Variants in NUP43 observed in about 807,000 individuals in gnomAD.
The protein encoded by NUP43 is nucleoporin 43.
NUP43 carries 32 observed loss-of-function variants against 47.3 expected under a neutral mutation model. That is an observed-to-expected ratio of 0.68 (90% CI 0.51 to 0.91). The LOEUF is 0.91. Among genes scored for constraint, NUP43 ranks in the 40% least tolerant of loss-of-function variants. The probability of loss-of-function intolerance (pLI) is 0.00; values close to 1 mark genes in which losing one functional copy is unlikely to be tolerated. For missense variants in NUP43, 444 were observed against 453.9 expected, an observed-to-expected ratio of 0.98 and a Z score of 0.20; for synonymous variants, 147 against 158.4, an observed-to-expected ratio of 0.93 and a Z score of 0.54.
At chr6:149,743,520 A>T (rs1223066800) in intron 3 of NUP43, 118 bp downstream of exon 3, 1 of 601,564 alleles carries the variant, frequency 1.7e-6, no homozygotes, top group East Asian at 3.0e-5. Context: ...ACTTGAACTC[A>T]GAAGGTGGAG....
chr6:149,744,431 G>A (rs1785851362), intron 2 of NUP43, among the ~76,000 whole-genome samples: 1 of 150,680 alleles, frequency 6.6e-6, no homozygotes, highest in Admixed American at 6.6e-5. Context: ...GGCTGAGGCA[G>A]AAGAATCACT....
intron 2 of NUP43, among the ~76,000 whole-genome samples, chr6:149,745,100 G>C (rs1370231118): frequency 6.6e-6 from 1 of 150,700 alleles, no homozygotes; most frequent in South Asian, 2.1e-4. Flanking sequence ...TCCACACCAG[G>C]ATTTGAAAAC....
intron 2 of NUP43, among the ~76,000 whole-genome samples, chr6:149,744,962 C>T (rs1434062632): frequency 6.7e-6 from 1 of 150,044 alleles, no homozygotes; most frequent in East Asian, 2.0e-4. Flanking sequence ...CCCAAGCTGG[C>T]GCACTCTCGG....
intron 4 of NUP43, among the ~76,000 whole-genome samples, chr6:149,741,556 C>T (rs935081184): frequency 2.0e-5 from 3 of 151,724 alleles, no homozygotes; most frequent in Non-Finnish European, 4.4e-5. Flanking sequence ...ACAAGGCTAG[C>T]GTGCAGTGGT....
chr6:149,735,717 A>G (rs1209590750), intron 6 of NUP43, among the ~76,000 whole-genome samples: 1 of 151,340 alleles, frequency 6.6e-6, no homozygotes, highest in African/African-American at 2.4e-5. Flanking sequence ...CATACCTGTA[A>G]TCTCAGCACT....
upstream of NUP43, among the ~76,000 whole-genome samples, chr6:149,748,043 C>T (rs1291690512): frequency 1.3e-5 from 2 of 152,204 alleles, no homozygotes; most frequent in South Asian, 2.1e-4. Context: ...TGGCCAGGCA[C>T]GGTGGCTCAC....
Position 149,731,697 on chromosome 6 carries a change from G to C in NUP43, c.829C>G (p.Leu277Val). 2 of 1,613,632 alleles carry C rather than the reference G, an allele frequency of 1.2e-6. No individual in the cohort carries two copies. Among genetic ancestry groups the C allele is most frequent in the Non-Finnish European group, 1.7e-6 (2 of 1,179,672 alleles). The change falls in exon 7 of 8, where the codon CTT becomes GTT. Residue 277 changes from leucine to valine, a missense_variant. Transcript: ENST00000340413. Reference sequence around the variant, plus strand: ...GATCCATCTTCAGAGCAGGTAAAAAGATGTTCTGGGTTGGATGGGTGAAAG... The same window carrying C: ...GATCCATCTTCAGAGCAGGTAAAAACATGTTCTGGGTTGGATGGGTGAAAG... ...VHFHPSNPEH[L>V]FTCSEDGSLW...
At chr6:149,730,229 G>C (rs950613288) in intron 7 of NUP43, among the ~76,000 whole-genome samples, 1 of 151,620 alleles carries the variant, frequency 6.6e-6, no homozygotes, top group Non-Finnish European at 1.5e-5. Context: ...GGCTGGTCTC[G>C]AACTCCCAAA....
At chr6:149,747,433 G>A (rs1395650663), upstream of NUP43, among the ~76,000 whole-genome samples, 5 of 149,740 alleles carry the variant, frequency 3.3e-5, no homozygotes, top group African/African-American at 7.4e-5. Flanking sequence ...ACAGGTGTGC[G>A]CCACCATGCC....
Position 149,746,507 on chromosome 6 carries a change from C to A in NUP43, c.-12G>T. On this transcript the variant is annotated 5_prime_UTR_variant, in exon 1 of 8. Coordinates refer to ENST00000340413, the MANE Select transcript of NUP43 (RefSeq NM_198887.3). ...TAAATTTCCTCCATGCCGAAAGCGG[C>A]CGCAGCAGGTACTGCAAAAAGCAAG... The A allele has an allele frequency of 2.5e-6, 4 of 1,614,162 alleles. No homozygotes were observed. The highest frequency in any genetic ancestry group is 1.1e-5 in the South Asian group (1 of 91,090).
chr6:149,738,619 C>T, intron 5 of NUP43, 24 bp downstream of exon 5: 3 of 1,517,950 alleles, frequency 2.0e-6, no homozygotes, highest in South Asian at 1.4e-5. Context: ...GATTACATTA[C>T]TGAAATTACA....
chr6:149,737,288 A>G (rs1013688140), intron 5 of NUP43, among the ~76,000 whole-genome samples: 3 of 136,572 alleles, frequency 2.2e-5, no homozygotes, highest in African/African-American at 8.9e-5. Context: ...TGTCTCAAAG[A>G]AAAAAAAAAA....
intron 6 of NUP43, among the ~76,000 whole-genome samples, chr6:149,732,820 G>C (rs1785127377): frequency 1.3e-5 from 2 of 152,104 alleles, no homozygotes; most frequent in Admixed American, 1.3e-4. Flanking sequence ...ACTCCAGCCT[G>C]GGCAAAAAGA....
At position 149,730,929 on chromosome 6, in the gene NUP43, C is replaced by T. The variant is rs368850061; in HGVS notation, c.913+684G>A. 2.4e-4 allele frequency among the ~76,000 whole-genome samples: 35 copies of T among 146,266 alleles called. No homozygotes were observed. The South Asian group carries it at 5.0e-3, about 21-fold the overall frequency. ...GTCCAGCCTGCATGTCAGAGTGAGA[C>T]GCTGTCTCAAACAAAAAAAAAACAA... is the stretch of plus-strand genomic sequence containing the variant. On this transcript the variant is annotated intron_variant, in intron 7 of 7. Transcript: ENST00000340413.
intron 7 of NUP43, among the ~76,000 whole-genome samples, chr6:149,728,701 G>T (rs1269912929): frequency 6.6e-6 from 1 of 152,120 alleles, no homozygotes; most frequent in Non-Finnish European, 1.5e-5. Flanking sequence ...TCAGCCACCA[G>T]TCCTTATCTC....
chr6:149,746,512 G>T lies in NUP43; in HGVS notation c.-17C>A. 2 of 1,614,160 alleles carry T rather than the reference G, an allele frequency of 1.2e-6. No homozygotes were observed. Among genetic ancestry groups the T allele is most frequent in the Non-Finnish European group, 1.7e-6 (2 of 1,180,030 alleles). ...TTCCTCCATGCCGAAAGCGGCCGCA[G>T]CAGGTACTGCAAAAAGCAAGCACAG... On this transcript the variant is annotated 5_prime_UTR_variant, in exon 1 of 8. In the 5' UTR this introduces an upstream ATG that the reference lacks. Transcript: ENST00000340413.
intron 3 of NUP43, among the ~76,000 whole-genome samples, chr6:149,742,861 G>A (rs1785737754): frequency 6.6e-6 from 1 of 152,108 alleles, no homozygotes; most frequent in Non-Finnish European, 1.5e-5. Flanking sequence ...GTATTCTTAT[G>A]GGAATTAACC....
Position 149,743,649 on chromosome 6 carries a change from G to T in NUP43, c.310C>A (p.Pro104Thr). 1 of 1,599,510 alleles carries T rather than the reference G, an allele frequency of 6.3e-7. No homozygotes were observed. Among genetic ancestry groups the T allele is most frequent in the Non-Finnish European group, 8.6e-7 (1 of 1,169,476 alleles). Reference sequence around the variant, plus strand: ...CTAAAGTTCTTTACCTGGTTATTTGGATGGTGAAGGAAAACTGTTACACAT... The same window carrying T: ...CTAAAGTTCTTTACCTGGTTATTTGTATGGTGAAGGAAAACTGTTACACAT... ...TGCVTVFLHH[P>T]NNQTLSVNQQ... is the part of the protein sequence containing the mutation. The change falls in exon 3 of 8, where the codon CCA (proline) becomes ACA (threonine). Residue 104 changes from proline (P) to threonine (T), a missense_variant. Transcript: ENST00000340413.
intron 2 of NUP43, among the ~76,000 whole-genome samples, chr6:149,744,702 G>A (rs1233060272): frequency 1.3e-5 from 2 of 151,620 alleles, no homozygotes; most frequent in Admixed American, 1.3e-4. Context: ...CAGGCATGGT[G>A]GCATGTGCCT....
Sources: gnomAD v4.1 joint callset for allele counts (sites outside exome capture counted in the v4.1 genomes callset) on GRCh38, gnomAD v4.1.1 for gene constraint, MANE v1.5 for transcripts, NCBI Gene and HGNC (gene_info 2026-07-23, HGNC 2026-07-21) for gene names.